ERC1: variants seen among roughly 807,000 people sequenced by gnomAD.
ERC1 encodes RAB6 interacting protein 2.
A neutral mutation model predicts 132.0 loss-of-function variants in ERC1; 56 were observed. That is an observed-to-expected ratio of 0.42 (90% CI 0.34 to 0.53). The LOEUF (loss-of-function observed/expected upper bound fraction) is 0.53, where lower values mean the gene tolerates loss of function less well. ERC1 is among the 20% of genes least tolerant of loss of function. The pLI, the probability that ERC1 is intolerant of heterozygous loss-of-function variation, is 0.03. For missense variants in ERC1, 1,202 were observed against 1,349.9 expected, an observed-to-expected ratio of 0.89 and a Z score of 1.72; for synonymous variants, 478 against 476.1, an observed-to-expected ratio of 1.00 and a Z score of -0.05.
Position 1,493,549 on chromosome 12 carries a change from ATATATATAT to A in ERC1, c.*3320_*3328del, listed in dbSNP as rs1305704115. On this transcript the variant is annotated 3_prime_UTR_variant, in exon 19 of 19. Transcript: ENST00000360905. ...CTCCATTTAAAAAAAAAAAAAAAAA[ATATATATAT>A]ATATATATATATATATATATGGATG... 1.4e-4 allele frequency: 6 copies of A among 42,454 alleles called. No homozygotes were observed. Among genetic ancestry groups the A allele is most frequent in the South Asian group, 2.2e-3 (2 of 920 alleles). 2.6% of individuals were successfully genotyped at this position (42,454 alleles called of 1,614,324 possible). A position where few individuals can be genotyped will look rare whatever the true frequency, so the allele number is the denominator to read the frequency against.
intron 16 of ERC1, among the ~76,000 whole-genome samples, chr12:1,373,792 GAAAAGAAAGAAAA>G: frequency 1.4e-5 from 1 of 69,198 alleles, no homozygotes; most frequent in East Asian, 2.7e-4. Flanking sequence ...AGAAAAAGAA[GAAAAGAAAGAAAA>G]GAAAAGGAAA....
At chr12:1,407,580 T>C (rs1159559649) in intron 16 of ERC1, among the ~76,000 whole-genome samples, 1 of 151,786 alleles carries the variant, frequency 6.6e-6, no homozygotes, top group Non-Finnish European at 1.5e-5. Context: ...TTTGGGGATA[T>C]TGCCTCTTCC....
chr12:1,450,348 A>T (rs761856540), intron 18 of ERC1, among the ~76,000 whole-genome samples: 1 of 152,104 alleles, frequency 6.6e-6, no homozygotes, highest in African/African-American at 2.4e-5. Context: ...CCCATATTCC[A>T]TCTGCCTTCT....
At chr12:1,017,296 C>G (rs991501549) in intron 1 of ERC1, among the ~76,000 whole-genome samples, 6 of 152,166 alleles carry the variant, frequency 3.9e-5, no homozygotes, top group Non-Finnish European at 7.4e-5. Flanking sequence ...CATGCTCGTC[C>G]TGAATATTCT....
chr12:1,210,884 A>G (rs1957803050), intron 12 of ERC1, among the ~76,000 whole-genome samples: 2 of 151,944 alleles, frequency 1.3e-5, no homozygotes, highest in South Asian at 4.2e-4. Flanking sequence ...AGTCCCAGCT[A>G]CTCAGGAGGC....
At chr12:1,462,248 G>A (rs2154422188) in intron 18 of ERC1, among the ~76,000 whole-genome samples, 1 of 152,292 alleles carries the variant, frequency 6.6e-6, no homozygotes, top group African/African-American at 2.4e-5. Flanking sequence ...TGATGAGAGG[G>A]TAAAATGGCA....
At chr12:1,354,341 C>T (rs956933254) in intron 15 of ERC1, among the ~76,000 whole-genome samples, 18 of 152,054 alleles carry the variant, frequency 1.2e-4, no homozygotes, top group African/African-American at 3.4e-4. Flanking sequence ...CTAGCCGACA[C>T]GGTGAAACCC....
At chr12:1,408,271 AT>A in intron 17 of ERC1, 24 bp downstream of exon 17, 1 of 1,553,094 alleles carries the variant, frequency 6.4e-7, no homozygotes, top group Non-Finnish European at 8.8e-7. Context: ...GGAATGTTTT[AT>A]TAAAAAACCC....
intron 1 of ERC1, among the ~76,000 whole-genome samples, chr12:1,004,595 T>TG: frequency 6.6e-6 from 1 of 151,748 alleles, no homozygotes; most frequent in Non-Finnish European, 1.5e-5. Context: ...TTAGCAGAGA[T>TG]GGGGTTTCAC....
chr12:1,456,601 T>C (rs2093541817), intron 18 of ERC1, among the ~76,000 whole-genome samples: 1 of 152,118 alleles, frequency 6.6e-6, no homozygotes, highest in African/African-American at 2.4e-5. Context: ...GTAATTTTCT[T>C]ATCTAGTTCA....
At chr12:1,281,756 T>TA (rs2078693012) in intron 14 of ERC1, among the ~76,000 whole-genome samples, 1 of 152,166 alleles carries the variant, frequency 6.6e-6, no homozygotes, top group Non-Finnish European at 1.5e-5. Context: ...GCTGAAAAGA[T>TA]AGTTTGTTTT....
chr12:1,376,869 C>T (rs1300004583), intron 16 of ERC1, among the ~76,000 whole-genome samples: 1 of 152,162 alleles, frequency 6.6e-6, no homozygotes, highest in Non-Finnish European at 1.5e-5. Context: ...AGAAACGGTG[C>T]GATTTGTTTC....
At chr12:1,143,543 T>C (rs1266705103) in intron 8 of ERC1, among the ~76,000 whole-genome samples, 1 of 152,026 alleles carries the variant, frequency 6.6e-6, no homozygotes, top group African/African-American at 2.4e-5. Context: ...TGTTAATAGC[T>C]AATTCCTTCT....
intron 18 of ERC1, among the ~76,000 whole-genome samples, chr12:1,478,184 A>G (rs994088159): frequency 6.6e-6 from 1 of 152,220 alleles, no homozygotes; most frequent in Non-Finnish European, 1.5e-5. Flanking sequence ...AGGAGAGGCC[A>G]AGTGGTTCCA....
intron 15 of ERC1, among the ~76,000 whole-genome samples, chr12:1,301,804 GC>G (rs1486456698): frequency 1.3e-5 from 2 of 151,972 alleles, no homozygotes; most frequent in South Asian, 4.2e-4. Context: ...CTTCACATGT[GC>G]CCCTGAACTT....
At chr12:1,440,252 T>C (rs1272311482) in intron 17 of ERC1, among the ~76,000 whole-genome samples, 1 of 145,154 alleles carries the variant, frequency 6.9e-6, no homozygotes, top group East Asian at 2.0e-4. Flanking sequence ...TCGCCCAGGC[T>C]GGAGTGCAGT....
intron 3 of ERC1, among the ~76,000 whole-genome samples, chr12:1,102,732 A>G (rs1206717458): frequency 1.3e-5 from 2 of 152,244 alleles, no homozygotes; most frequent in African/African-American, 2.4e-5. Flanking sequence ...AATAATAAGT[A>G]AACATAATAA....
intron 3 of ERC1, among the ~76,000 whole-genome samples, chr12:1,098,388 T>C (rs1264795361): frequency 6.6e-6 from 1 of 152,180 alleles, no homozygotes; most frequent in East Asian, 1.9e-4. Context: ...CTCTTGAAAA[T>C]AGACAAAGGA....
intron 16 of ERC1, among the ~76,000 whole-genome samples, chr12:1,399,425 C>A (rs1468511097): frequency 6.6e-6 from 1 of 152,104 alleles, no homozygotes; most frequent in Non-Finnish European, 1.5e-5. Context: ...CACTACAATA[C>A]CCTATTTTTT....
Sources: gnomAD v4.1 joint callset for allele counts (sites outside exome capture counted in the v4.1 genomes callset) on GRCh38, gnomAD v4.1.1 for gene constraint, MANE v1.5 for transcripts, NCBI Gene and HGNC (gene_info 2026-07-23, HGNC 2026-07-21) for gene names.